RERE: variants seen among roughly 807,000 people sequenced by gnomAD.
The protein encoded by RERE is arginine-glutamic acid dipeptide repeats.
In RERE, 40 loss-of-function variants were observed where a neutral mutation model predicts 146.1. The observed-to-expected ratio is 0.27, with a 90% CI of 0.21 to 0.36. The LOEUF (loss-of-function observed/expected upper bound fraction) is 0.36, where lower values mean the gene tolerates loss of function less well. Ranked by LOEUF, RERE falls within the 10% of genes least tolerant of loss-of-function variation. RERE has a pLI of 1.00. For synonymous variants in RERE, 1,003 were observed against 866.0 expected (o/e 1.16, Z -2.78); for missense variants, 1,933 against 2,138.7 (o/e 0.90, Z 1.90).
chr1:8,363,998 C>A (rs1195923454), intron 15 of RERE, 58 bp downstream of exon 15: 10 of 1,523,584 alleles, frequency 6.6e-6, no homozygotes, highest in Non-Finnish European at 9.1e-6. Flanking sequence ...CTCAAGCCCC[C>A]ACACATCCCA....
intron 12 of RERE, among the ~76,000 whole-genome samples, chr1:8,400,463 G>A (rs1643211658): frequency 6.6e-6 from 1 of 151,940 alleles, no homozygotes; most frequent in Admixed American, 6.6e-5. Context: ...TGTTACCCAG[G>A]TTGGTCTTGA....
At position 8,358,638 on chromosome 1, in the gene RERE, G is replaced by C. The variant is rs747847364; in HGVS notation, c.3897C>G (p.Ile1299Met). 5.0e-6 allele frequency: 8 copies of C among 1,587,136 alleles called. No homozygotes were observed. The African/African-American group carries it at 9.4e-5, about 19-fold the overall frequency. The change falls in exon 20 of 23, where the codon ATC becomes ATG. Residue 1299 changes from isoleucine (I) to methionine (M), a missense_variant. Ile to Met is a conservative substitution (Grantham distance 10). This residue lies in a region of RERE where 1,255 missense variants were observed against 1,153.8 expected (regional missense o/e 1.09). Transcript: ENST00000400908. ...CCCGCTCCCGGAGCTCCCGCTCGCG[G>C]ATGGTGGGGTCGACGTTGTAGAGGC... ...MPGLYNVDPT[I>M]RERELREREI...
rs375668960 is a variant in RERE at position 8,506,816 on chromosome 1, C to A, written c.879+1811G>T. ...TGCTAAATTTCATTCATTGTAAGAT[C>A]CACTGTTATTTTATGTGCACTGAGA... is the stretch of plus-strand genomic sequence containing the variant. On this transcript the variant is annotated intron_variant, in intron 8 of 22. Coordinates refer to ENST00000400908, the MANE Select transcript of RERE (RefSeq NM_001042681.2). Among the ~76,000 whole-genome samples, 85 of 152,282 alleles carry A rather than the reference C, an allele frequency of 5.6e-4. 1 individual carries two copies. In the South Asian group the frequency reaches 6.0e-3, roughly 11 times the overall value.
chr1:8,470,965 C>A (rs529187320), intron 10 of RERE, among the ~76,000 whole-genome samples: 1 of 150,758 alleles, frequency 6.6e-6, no homozygotes, highest in Non-Finnish European at 1.5e-5. Context: ...ACTACAGGCG[C>A]GCCACCACAC....
At chr1:8,441,877 T>A (rs1349429307) in intron 11 of RERE, among the ~76,000 whole-genome samples, 1 of 146,014 alleles carries the variant, frequency 6.8e-6, no homozygotes, top group East Asian at 2.0e-4. Flanking sequence ...GAAAAAACAT[T>A]TCTTCTATAC....
chr1:8,759,601 T>G (rs1472885643), intron 1 of RERE, among the ~76,000 whole-genome samples: 2 of 152,152 alleles, frequency 1.3e-5, no homozygotes, highest in African/African-American at 4.8e-5. Flanking sequence ...GCACAGTTTT[T>G]AAAAAATCAA....
At chr1:8,368,315 A>G (rs1032908679) in intron 12 of RERE, among the ~76,000 whole-genome samples, 1 of 152,058 alleles carries the variant, frequency 6.6e-6, no homozygotes, top group Non-Finnish European at 1.5e-5. Context: ...ACTAAAAAAA[A>G]TACAAAAAAT....
At chr1:8,738,565 A>G (rs1324550671) in intron 1 of RERE, among the ~76,000 whole-genome samples, 2 of 152,052 alleles carry the variant, frequency 1.3e-5, no homozygotes, top group Non-Finnish European at 1.5e-5. Flanking sequence ...CTCAAGGCAG[A>G]GCCTGCAGCC....
At chr1:8,575,575 T>TTG (rs1491458160) in intron 4 of RERE, among the ~76,000 whole-genome samples, 31 of 126,706 alleles carry the variant, frequency 2.4e-4, no homozygotes, top group African/African-American at 7.9e-4. Context: ...TTTTTTTTTT[T>TTG]GGCAGAGACA....
At chr1:8,363,813 G>C in intron 15 of RERE, 2 of 566,620 alleles carry the variant, frequency 3.5e-6, no homozygotes, top group Non-Finnish European at 6.3e-6. Context: ...CCTGCACTGA[G>C]CCAGAAGCTA....
chr1:8,591,438 A>AT (rs927073876), intron 4 of RERE, among the ~76,000 whole-genome samples: 2 of 151,876 alleles, frequency 1.3e-5, no homozygotes, highest in African/African-American at 4.8e-5. Context: ...TAAAAAAAAA[A>AT]AAAAGAAAAG....
rs573135224 is a variant in RERE at position 8,516,227 on chromosome 1, G to GGAAAAAAAAAAAAAAAAAAAAA, written c.831-7553_831-7552insTTTTTTTTTTTTTTTTTTTTTC. Among the ~76,000 whole-genome samples the GGAAAAAAAAAAAAAAAAAAAAA allele has an allele frequency of 6.9e-4, 36 of 52,306 alleles. 11 individuals carry two copies. Among genetic ancestry groups the GGAAAAAAAAAAAAAAAAAAAAA allele is most frequent in the African/African-American group, 3.1e-3 (36 of 11,626 alleles). The allele number at this position is 52,306 out of a possible 152,430, so 34.3% of individuals were successfully genotyped here. On this transcript the variant is annotated intron_variant, in intron 7 of 22. Transcript: ENST00000400908. ...GGGACGGAGCAAGACTCTCTCAGAGGAAAAAAAAAAAAAAAAAAAAAATCT... is the reference window on the plus strand; with the variant it reads ...GGGACGGAGCAAGACTCTCTCAGAGGGAAAAAAAAAAAAAAAAAAAAAAAAAAAAAAAAAAAAAAAAAAATCT...
intron 2 of RERE, among the ~76,000 whole-genome samples, chr1:8,625,875 C>T (rs570250767): frequency 6.6e-6 from 1 of 152,286 alleles, no homozygotes; most frequent in Admixed American, 6.5e-5. Flanking sequence ...ACCCAAAAGG[C>T]ACTCTAGAAA....
chr1:8,601,740 CA>C (rs1432808572), intron 4 of RERE, among the ~76,000 whole-genome samples: 11 of 18,646 alleles, frequency 5.9e-4, no homozygotes, highest in African/African-American at 3.0e-3. Flanking sequence ...AAGGTCAACA[CA>C]CACACACACA....
At chr1:8,766,376 C>G (rs1025138607) in intron 1 of RERE, among the ~76,000 whole-genome samples, 1 of 151,870 alleles carries the variant, frequency 6.6e-6, no homozygotes, top group African/African-American at 2.4e-5. Context: ...CCCATCTCTA[C>G]TAAAAATCAA....
In RERE at chr1:8,817,452, A is replaced by C. The variant is rs1348850419; in HGVS notation, c.-437T>G. The C allele has an allele frequency of 8.0e-6, 1 of 124,762 alleles. No individual in the cohort carries two copies. The highest frequency in any genetic ancestry group is 8.8e-5 in the Admixed American group (1 of 11,426). 7.7% of individuals were successfully genotyped at this position (124,762 alleles called of 1,614,324 possible). On this transcript the variant is annotated 5_prime_UTR_variant, in exon 1 of 23. Transcript: ENST00000400908. ...CCGAGGGCGAGGGGGCTCCCTGAGG[A>C]TGATGGTGATTTTTTTTTTTTTTTA...
intron 2 of RERE, among the ~76,000 whole-genome samples, chr1:8,647,641 A>ATGTGTGTGTGTGTGTGTG (rs1553127411): frequency 2.7e-5 from 4 of 148,534 alleles, no homozygotes; most frequent in African/African-American, 9.9e-5. Flanking sequence ...TAAAATATGT[A>ATGTGTGTGTGTGTGTGTG]TGTGTGTGTG....
chr1:8,483,192 C>T (rs1191203940), intron 10 of RERE, among the ~76,000 whole-genome samples: 1 of 152,212 alleles, frequency 6.6e-6, no homozygotes, highest in Non-Finnish European at 1.5e-5. Context: ...GAAAACCCAA[C>T]ATCTTACCTT....
At chr1:8,486,134 A>C (rs760314613) in intron 10 of RERE, among the ~76,000 whole-genome samples, 1 of 152,184 alleles carries the variant, frequency 6.6e-6, no homozygotes, top group Non-Finnish European at 1.5e-5. Flanking sequence ...CATGTCTCTC[A>C]GTAACATACA....
Sources: allele counts gnomAD v4.1 joint callset (sites outside exome capture counted in the v4.1 genomes callset), GRCh38; gene constraint gnomAD v4.1.1; regional missense constraint gnomAD v4.1.1; transcripts MANE v1.5; gene names NCBI Gene and HGNC (gene_info 2026-07-23, HGNC 2026-07-21).